The following SELENOT variants were observed in gnomAD, a reference collection of about 807,000 sequenced individuals.
The protein encoded by SELENOT is thioredoxin reductase-like selenoprotein T.
In SELENOT, 9 loss-of-function variants were observed where a neutral mutation model predicts 24.3. That is an observed-to-expected ratio of 0.37 (90% CI 0.22 to 0.65). The LOEUF (loss-of-function observed/expected upper bound fraction) is 0.65. Among genes scored for constraint, SELENOT ranks in the 30% least tolerant of loss-of-function variants. SELENOT has a pLI of 0.60. For synonymous variants in SELENOT, 81 were observed against 86.0 expected (o/e 0.94, Z 0.32); for missense variants, 166 against 247.6 (o/e 0.67, Z 2.21).
At chr3:150,625,000 G>A (rs1163193531) in intron 4 of SELENOT, 101 bp downstream of exon 4, 2 of 523,382 alleles carry the variant, frequency 3.8e-6, no homozygotes, top group African/African-American at 4.0e-5. Flanking sequence ...TTTAGTGTTT[G>A]TATAAAAGTA....
chr3:150,615,460 G>A (rs900015385), intron 1 of SELENOT, among the ~76,000 whole-genome samples: 14 of 151,902 alleles, frequency 9.2e-5, no homozygotes, highest in African/African-American at 3.4e-4. Context: ...CACAATGGTT[G>A]AACTAGTTTA....
intron 4 of SELENOT, among the ~76,000 whole-genome samples, 168 bp downstream of exon 4, chr3:150,625,067 C>CT (rs375782111): frequency 3.0e-4 from 44 of 146,378 alleles, no homozygotes; most frequent in Admixed American, 4.8e-4. Context: ...AAAATTTTAA[C>CT]TTTTTTTTTT....
At chr3:150,612,791 T>C (rs927560487) in intron 1 of SELENOT, among the ~76,000 whole-genome samples, 6 of 152,246 alleles carry the variant, frequency 3.9e-5, no homozygotes, top group African/African-American at 1.4e-4. Context: ...TTTGTTATAT[T>C]CTGCACTAAC....
chr3:150,606,693 A>G (rs1725972712), intron 1 of SELENOT, among the ~76,000 whole-genome samples: 1 of 151,534 alleles, frequency 6.6e-6, no homozygotes, highest in African/African-American at 2.4e-5. Flanking sequence ...CCTGGGCTCA[A>G]GAGATTCTCA....
chr3:150,624,961 C>T (rs1726410449), intron 4 of SELENOT, 62 bp downstream of exon 4: 1 of 751,528 alleles, frequency 1.3e-6, no homozygotes, highest in Non-Finnish European at 2.0e-6. Flanking sequence ...GAGTATCAAG[C>T]TTTTATCTTT....
intron 1 of SELENOT, chr3:150,611,203 AT>A: frequency 1.2e-6 from 1 of 836,144 alleles, no homozygotes; most frequent in Non-Finnish European, 1.9e-6. Flanking sequence ...ACATTTCTAC[AT>A]GTGAAAAAGC....
intron 5 of SELENOT, among the ~76,000 whole-genome samples, 158 bp from the exon 6 acceptor site, chr3:150,627,501 T>A (rs1323533124): frequency 6.6e-6 from 1 of 152,216 alleles, no homozygotes; most frequent in Non-Finnish European, 1.5e-5. Flanking sequence ...AGTATGCAAA[T>A]TCTTTGAACA....
chr3:150,619,559 G>A (rs1282081172), intron 1 of SELENOT, among the ~76,000 whole-genome samples: 4 of 152,208 alleles, frequency 2.6e-5, no homozygotes, highest in Admixed American at 1.3e-4. Flanking sequence ...TTCTTTTCAG[G>A]AGTTAGGTTT....
chr3:150,611,667 C>T (rs1002436673), intron 1 of SELENOT: 8 of 1,601,596 alleles, frequency 5.0e-6, no homozygotes, highest in African/African-American at 1.3e-5. Context: ...CTTGCTGAAG[C>T]TGGCGTTGCC....
chr3:150,622,964 A>G, intron 2 of SELENOT, 79 bp from the exon 3 acceptor site: 1 of 1,286,298 alleles, frequency 7.8e-7, no homozygotes, highest in Non-Finnish European at 1.0e-6. Flanking sequence ...GAAAATCTTT[A>G]CATACACTTG....
intron 1 of SELENOT, chr3:150,611,854 C>T: frequency 3.2e-6 from 3 of 952,048 alleles, no homozygotes. Context: ...CGCCTCCCCA[C>T]TGCCCAGGCG....
rs1391015632 is a variant in SELENOT at position 150,616,066 on chromosome 3, C to CT, written c.138-6316dup. On this transcript the variant is annotated intron_variant, in intron 1 of 5. Coordinates refer to ENST00000471696, the MANE Select transcript of SELENOT (RefSeq NM_016275.5). ...TGCCGCATATCTACAACTATCTGAT[C>CT]TTTGACAAACCTGAGAAAAACAAGC... Among the ~76,000 whole-genome samples, 8 of 151,628 alleles carry CT rather than the reference C, an allele frequency of 5.3e-5. No homozygotes were observed. The East Asian group carries it at 1.5e-3, about 29-fold the overall frequency.
At chr3:150,613,160 T>C (rs1726133633) in intron 1 of SELENOT, among the ~76,000 whole-genome samples, 1 of 152,226 alleles carries the variant, frequency 6.6e-6, no homozygotes, top group Non-Finnish European at 1.5e-5. Flanking sequence ...CTCATAGTTC[T>C]GGAGGCTGGG....
rs1480456921 is a variant in SELENOT, at chr3:150,629,706, T to C, written c.*2077T>C. 6.6e-6 allele frequency: 1 copy of C among 152,650 alleles called. No homozygotes were observed. The highest frequency in any genetic ancestry group is 2.4e-5 in the African/African-American group (1 of 41,468). 9.5% of individuals were successfully genotyped at this position (152,650 alleles called of 1,614,324 possible). A position where few individuals can be genotyped will look rare whatever the true frequency, so the allele number is the denominator to read the frequency against. ...TAAAATTCAGCTGTGTTGTTGACGC[T>C]CATCTCTTTTGTCTTACGCTTAGCC... On this transcript the variant is annotated 3_prime_UTR_variant, in exon 6 of 6. Transcript: ENST00000471696.
intron 1 of SELENOT, among the ~76,000 whole-genome samples, chr3:150,620,774 G>A (rs529919566): frequency 2.0e-5 from 3 of 152,174 alleles, no homozygotes; most frequent in Non-Finnish European, 4.4e-5. Context: ...TTGATATCAG[G>A]TGGCATTTCT....
chr3:150,612,178 C>G (rs1056305432), intron 1 of SELENOT, among the ~76,000 whole-genome samples: 57 of 152,136 alleles, frequency 3.7e-4, no homozygotes, highest in African/African-American at 1.3e-3. Flanking sequence ...ACCGTAACCT[C>G]CGCCTCCCGG....
chr3:150,623,254 G>A (rs1441447024), intron 3 of SELENOT, 85 bp downstream of exon 3: 2 of 1,213,876 alleles, frequency 1.6e-6, no homozygotes, highest in Non-Finnish European at 2.2e-6. Flanking sequence ...TTGAATACTT[G>A]TTATTGATTC....
intron 5 of SELENOT, 111 bp downstream of exon 5, chr3:150,627,274 CAG>C (rs1259020795): frequency 3.6e-6 from 3 of 822,352 alleles, no homozygotes; most frequent in Non-Finnish European, 5.6e-6. Flanking sequence ...TAAGATTAAA[CAG>C]AGGGATGTAT....
chr3:150,623,275 A>G (rs1726378837), intron 3 of SELENOT, 106 bp downstream of exon 3: 2 of 1,070,354 alleles, frequency 1.9e-6, no homozygotes, highest in Non-Finnish European at 2.5e-6. Context: ...ACCTGTTAAC[A>G]TGTATTATTT....
Sources: gnomAD v4.1 joint callset for allele counts (sites outside exome capture counted in the v4.1 genomes callset) on GRCh38, gnomAD v4.1.1 for gene constraint, MANE v1.5 for transcripts, NCBI Gene and HGNC (gene_info 2026-07-23, HGNC 2026-07-21) for gene names.